LDLRAD4: variants seen among roughly 807,000 people sequenced by gnomAD.
LDLRAD4 encodes low density lipoprotein receptor class A domain containing 4.
In LDLRAD4, 5 loss-of-function variants were observed where a neutral mutation model predicts 17.0. The observed-to-expected ratio is 0.29, with a 90% CI of 0.15 to 0.62. The LOEUF is 0.62. Among genes scored for constraint, LDLRAD4 ranks in the 20% least tolerant of loss-of-function variants. The probability of loss-of-function intolerance (pLI) is 0.84; values close to 1 mark genes in which losing one functional copy is unlikely to be tolerated. For missense variants in LDLRAD4, 340 were observed against 424.7 expected (o/e 0.80, Z 1.75); for synonymous variants, 168 against 171.8 (o/e 0.98, Z 0.17).
intron 1 of LDLRAD4, among the ~76,000 whole-genome samples, chr18:13,220,170 A>G (rs1213101634): frequency 6.6e-6 from 1 of 152,220 alleles, no homozygotes; most frequent in African/African-American, 2.4e-5. Context: ...TGAAAGCTTA[A>G]TTCTTTTTAA....
At chr18:13,611,923 G>T in intron 3 of LDLRAD4, 8 of 985,484 alleles carry the variant, frequency 8.1e-6, no homozygotes, top group Non-Finnish European at 9.6e-6. Context: ...AGCACCAGAA[G>T]AGGACAGCCC....
intron 3 of LDLRAD4, among the ~76,000 whole-genome samples, chr18:13,582,859 C>T (rs929243625): frequency 1.1e-4 from 17 of 152,216 alleles, no homozygotes; most frequent in African/African-American, 3.9e-4. Flanking sequence ...ACTATAGGTG[C>T]ATGCCGCTGT....
chr18:13,577,421 C>T (rs2094790925), intron 3 of LDLRAD4, among the ~76,000 whole-genome samples: 1 of 152,094 alleles, frequency 6.6e-6, no homozygotes, highest in Non-Finnish European at 1.5e-5. Context: ...GGGAACATGC[C>T]TTTGCTCAGC....
chr18:13,312,918 C>T (rs889323468), intron 1 of LDLRAD4, among the ~76,000 whole-genome samples: 1 of 152,170 alleles, frequency 6.6e-6, no homozygotes, highest in African/African-American at 2.4e-5. Flanking sequence ...GTGATGTTTT[C>T]TGACCCACCT....
At chr18:13,457,656 G>T (rs1451798307) in intron 3 of LDLRAD4, among the ~76,000 whole-genome samples, 3 of 152,176 alleles carry the variant, frequency 2.0e-5, no homozygotes, top group Non-Finnish European at 2.9e-5. Flanking sequence ...GGGTACACAA[G>T]CCAGGTGCCG....
chr18:13,550,557 G>T (rs1216936970), intron 3 of LDLRAD4, among the ~76,000 whole-genome samples: 1 of 152,234 alleles, frequency 6.6e-6, no homozygotes, highest in Non-Finnish European at 1.5e-5. Flanking sequence ...CGTCCCTGAG[G>T]ACGGCCAGGA....
chr18:13,516,889 C>T (rs1275531651), intron 3 of LDLRAD4, among the ~76,000 whole-genome samples: 2 of 152,212 alleles, frequency 1.3e-5, no homozygotes, highest in East Asian at 3.9e-4. Flanking sequence ...TTGCTCTGTT[C>T]CCCAGGCTGG....
chr18:13,550,237 C>T (rs1390226670), intron 3 of LDLRAD4, among the ~76,000 whole-genome samples: 1 of 152,152 alleles, frequency 6.6e-6, no homozygotes, highest in Non-Finnish European at 1.5e-5. Context: ...TAAGGGGCAG[C>T]TTCATGAGGA....
Position 13,285,712 on chromosome 18 carries a change from A to G in LDLRAD4, c.-383+7524A>G, listed in dbSNP as rs1360322574. 2.6e-5 allele frequency among the ~76,000 whole-genome samples: 4 copies of G among 151,784 alleles called. No homozygotes were observed. The South Asian group carries it at 6.3e-4, about 24-fold the overall frequency. On this transcript the variant is annotated intron_variant, in intron 1 of 5. Transcript: ENST00000359446. ...TTGCTGGGGCTGTCCACATTTTTCC[A>G]TGTCTTTCTTGAAACTCGGGGGTTG...
At chr18:13,535,088 C>T (rs1372366679) in intron 3 of LDLRAD4, among the ~76,000 whole-genome samples, 1 of 152,136 alleles carries the variant, frequency 6.6e-6, no homozygotes, top group Non-Finnish European at 1.5e-5. Flanking sequence ...ATTGACGGAA[C>T]TGTTCATTGT....
rs1249582689 is a variant in LDLRAD4, at chr18:13,645,234, T to G, written c.498T>G (p.Ile166Met). The G allele has an allele frequency of 6.2e-7, 1 of 1,614,094 alleles. No homozygotes were observed. Among genetic ancestry groups the G allele is most frequent in the Non-Finnish European group, 8.5e-7 (1 of 1,180,014 alleles). Residue 166 changes from isoleucine to methionine, a missense_variant, in exon 6 of 6, where the codon ATT (isoleucine) becomes ATG (methionine). Physicochemically the swap from Ile to Met is conservative, Grantham distance 10 (BLOSUM62 1). Coordinates refer to ENST00000359446, the Ensembl canonical transcript of LDLRAD4. This position sits in a 1 kb window ranked among gnomAD's most constrained non-coding sequence, Gnocchi z 5.7. ...CCTACCCCTATGTGCAGCACGAGAT[T>G]GATCTTCCTCCCACCATCTCCCTGT...
chr18:13,357,132 T>G (rs1204965854), intron 1 of LDLRAD4, among the ~76,000 whole-genome samples: 1 of 152,136 alleles, frequency 6.6e-6, no homozygotes, highest in African/African-American at 2.4e-5. Context: ...AGACTGCATC[T>G]CAAAACAAAA....
intron 2 of LDLRAD4, among the ~76,000 whole-genome samples, chr18:13,430,490 A>G (rs2090258459): frequency 6.6e-6 from 1 of 151,940 alleles, no homozygotes; most frequent in Non-Finnish European, 1.5e-5. Context: ...GCTCTTCACA[A>G]TGGGATGCCT....
chr18:13,641,920 G>T (rs2042597155), intron 4 of LDLRAD4: 3 of 985,502 alleles, frequency 3.0e-6, no homozygotes, highest in Non-Finnish European at 2.4e-6. Flanking sequence ...CGGCGTTCCT[G>T]GCTACGGCTG....
rs1245891163 is a variant in LDLRAD4, at chr18:13,300,565, T to C, written c.-383+22377T>C. Among the ~76,000 whole-genome samples the C allele has an allele frequency of 6.6e-6, 1 of 152,186 alleles. No homozygotes were observed. The highest frequency in any genetic ancestry group is 1.5e-5 in the Non-Finnish European group (1 of 68,032). ...GTAGAGATACCCGGAACCCTCTCCT[T>C]CTCCTGGCTTATTTCGGGGTGGGTG... On this transcript the variant is annotated intron_variant, in intron 1 of 5. Transcript: ENST00000359446. This position sits in a 1 kb window ranked among gnomAD's most constrained non-coding sequence, Gnocchi z 4.2.
intron 3 of LDLRAD4, chr18:13,489,161 T>TTTTTTC (rs2093305874): frequency 6.6e-6 from 1 of 151,044 alleles, no homozygotes; most frequent in Non-Finnish European, 1.5e-5. Context: ...TTCTTTCTTT[T>TTTTTTC]TTTTTTTTTT....
At chr18:13,403,891 G>A (rs2087460959) in intron 2 of LDLRAD4, among the ~76,000 whole-genome samples, 1 of 152,228 alleles carries the variant, frequency 6.6e-6, no homozygotes, top group African/African-American at 2.4e-5. Context: ...GGGACTGGCG[G>A]GACGATGTTT....
chr18:13,600,708 G>T (rs1334202444), intron 3 of LDLRAD4, among the ~76,000 whole-genome samples: 1 of 152,158 alleles, frequency 6.6e-6, no homozygotes, highest in Non-Finnish European at 1.5e-5. Context: ...TGATAGACTG[G>T]TTTGGAAAAT....
intron 1 of LDLRAD4, among the ~76,000 whole-genome samples, chr18:13,254,787 A>G (rs916181862): frequency 1.3e-5 from 2 of 152,104 alleles, no homozygotes; most frequent in African/African-American, 4.8e-5. Context: ...ACGTAGGGAA[A>G]CTGTTGTCTT....
Sources: gnomAD v4.1 joint callset for allele counts (sites outside exome capture counted in the v4.1 genomes callset) on GRCh38, gnomAD v4.1.1 for gene constraint, Gnocchi (gnomAD v3.1) non-coding constraint, MANE v1.5 for transcripts, NCBI Gene and HGNC (gene_info 2026-07-23, HGNC 2026-07-21) for gene names.